CD55: variants seen among roughly 807,000 people sequenced by gnomAD.
CD55 encodes complement decay-accelerating factor.
Under a neutral mutation model 45.8 loss-of-function variants are expected in CD55, and 41 were observed. The ratio of observed to expected loss-of-function variants is 0.90; its 90% CI spans 0.70 to 1.16. The LOEUF (loss-of-function observed/expected upper bound fraction) is 1.16, where lower values mean the gene tolerates loss of function less well. Among genes scored for constraint, CD55 ranks in the 50% most tolerant of loss-of-function variants. The probability of loss-of-function intolerance (pLI) is 0.00; values close to 1 mark genes in which losing one functional copy is unlikely to be tolerated. For synonymous variants in CD55, 181 were observed against 181.1 expected, an observed-to-expected ratio of 1.00 and a Z score of 0.01; for missense variants, 416 against 469.8, an observed-to-expected ratio of 0.89 and a Z score of 1.06.
At chr1:207,347,419 C>T (rs964316958) in intron 9 of CD55, 4 of 350,110 alleles carry the variant, frequency 1.1e-5, no homozygotes, top group Admixed American at 3.8e-5. Context: ...GCCACCACAC[C>T]CGGCTAATTT....
At chr1:207,328,672 T>C (rs934078309) in intron 5 of CD55, among the ~76,000 whole-genome samples, 1 of 152,238 alleles carries the variant, frequency 6.6e-6, no homozygotes, top group Non-Finnish European at 1.5e-5. Context: ...TAACCTAGAA[T>C]CAATCCCTGC....
chr1:207,333,211 C>T lies in CD55; in HGVS notation c.853+1915C>T, dbSNP rs1002742167. On this transcript the variant is annotated intron_variant, in intron 6 of 9. Transcript: ENST00000367064. The stretch of plus-strand genomic sequence containing the variant: ...TTTATCTAGCATACCACAGGTCTCC[C>T]CTTTAGCACATCTGTGCTCATTTTG... Among the ~76,000 whole-genome samples, 10 of 152,310 alleles carry T rather than the reference C, an allele frequency of 6.6e-5. 1 individual carries two copies. The South Asian group carries it at 2.1e-3, about 32-fold the overall frequency.
chr1:207,357,588 G>A (rs1656127196), intron 9 of CD55, among the ~76,000 whole-genome samples: 1 of 151,174 alleles, frequency 6.6e-6, no homozygotes. Flanking sequence ...GGGCGGGCGG[G>A]GGCAGGGCAG....
chr1:207,321,811 G>C lies in CD55; in HGVS notation c.46G>C (p.Gly16Arg). Residue 16 changes from glycine (G) to arginine (R), a missense_variant, in exon 1 of 10, where the codon GGG becomes CGG. By Grantham distance (125) the Gly-to-Arg change is moderately radical. This residue lies in a region of CD55 where 123 missense variants were observed against 105.1 expected (regional missense o/e 1.17). Coordinates refer to ENST00000367064, the MANE Select transcript of CD55 (RefSeq NM_000574.5). ...CGTGCCCGCGGCGCTGCCCCTCCTC[G>C]GGGAGCTGCCCCGGCTGCTGCTGCT... ...PSVPAALPLL[G>R]ELPRLLLLVL... is the part of the protein sequence containing the mutation. 1 of 1,528,172 alleles carries C rather than the reference G, an allele frequency of 6.5e-7. No homozygotes were observed. Among genetic ancestry groups the C allele is most frequent in the East Asian group, 2.5e-5 (1 of 40,166 alleles). 94.7% of individuals were successfully genotyped at this position (1,528,172 alleles called of 1,614,324 possible).
intron 5 of CD55, among the ~76,000 whole-genome samples, chr1:207,330,858 C>T (rs1247585050): frequency 6.6e-6 from 1 of 152,124 alleles, no homozygotes; most frequent in Non-Finnish European, 1.5e-5. Flanking sequence ...CATACATGTT[C>T]TGAATCTTAT....
chr1:207,339,371 A>G lies in CD55; in HGVS notation c.1061-26A>G, dbSNP rs751025150. On this transcript the variant is annotated intron_variant, in intron 8 of 9. Transcript: ENST00000367064. ...TGACTTTAACAAATTTTTGTTGTTA[A>G]TCCTTTTTTTCCCCTTCGTCTGTAG... is the stretch of plus-strand genomic sequence containing the variant. The G allele has an allele frequency of 3.1e-6, 5 of 1,597,348 alleles. No individual in the cohort carries two copies. The Admixed American group carries it at 8.7e-5, about 28-fold the overall frequency.
rs1366909366 is a variant in CD55 at position 207,337,929 on chromosome 1, G to A, written c.1060+520G>A. ...CGTATTATTACAAGGCTCTATAAAC[G>A]ATAGGTTCTCAGTGGCACCAAGTAA... On this transcript the variant is annotated intron_variant, in intron 8 of 9. Transcript: ENST00000367064. Among the ~76,000 whole-genome samples, 3 of 152,246 alleles carry A rather than the reference G, an allele frequency of 2.0e-5. No individual in the cohort carries two copies. In the East Asian group the frequency reaches 5.8e-4, roughly 29 times the overall value.
chr1:207,335,797 C>T (rs993604397), intron 6 of CD55, among the ~76,000 whole-genome samples: 3 of 152,112 alleles, frequency 2.0e-5, no homozygotes, highest in Non-Finnish European at 4.4e-5. Flanking sequence ...AACAGTCATC[C>T]TGGATGATGT....
chr1:207,353,492 A>T (rs1655964410), intron 9 of CD55, among the ~76,000 whole-genome samples: 1 of 152,142 alleles, frequency 6.6e-6, no homozygotes. Flanking sequence ...TACTTTCAAG[A>T]GTCTTGACTC....
chr1:207,334,372 A>T (rs1039525419), intron 6 of CD55, among the ~76,000 whole-genome samples: 1 of 152,208 alleles, frequency 6.6e-6, no homozygotes, highest in Non-Finnish European at 1.5e-5. Flanking sequence ...AAACATGCAC[A>T]GAATGAGAAA....
At chr1:207,345,059 C>G (rs776230990) in intron 9 of CD55, among the ~76,000 whole-genome samples, 1 of 152,126 alleles carries the variant, frequency 6.6e-6, no homozygotes, top group Non-Finnish European at 1.5e-5. Context: ...GATCTCTGAG[C>G]CTCCTGTGTC....
At chr1:207,326,339 A>G (rs564684167) in intron 4 of CD55, among the ~76,000 whole-genome samples, 4 of 152,336 alleles carry the variant, frequency 2.6e-5, no homozygotes, top group South Asian at 2.1e-4. Flanking sequence ...CTTGTCTCCT[A>G]TACGAAACAC....
At chr1:207,323,317 G>A (rs1458352337) in intron 2 of CD55, among the ~76,000 whole-genome samples, 1 of 151,512 alleles carries the variant, frequency 6.6e-6, no homozygotes, top group African/African-American at 2.4e-5. Flanking sequence ...AGAGAGAGAT[G>A]TATAAACTGG....
intron 9 of CD55, among the ~76,000 whole-genome samples, chr1:207,356,271 G>A (rs1200894036): frequency 6.6e-6 from 1 of 152,014 alleles, no homozygotes; most frequent in African/African-American, 2.4e-5. Context: ...GTAAAATTTG[G>A]TACTGTATCA....
chr1:207,346,327 G>A (rs375763065), intron 9 of CD55, among the ~76,000 whole-genome samples: 3 of 152,196 alleles, frequency 2.0e-5, no homozygotes, highest in Admixed American at 6.5e-5. Flanking sequence ...CTGAGCATCC[G>A]GGTACCTGAT....
intron 9 of CD55, among the ~76,000 whole-genome samples, chr1:207,343,984 T>G (rs1400524991): frequency 6.6e-6 from 1 of 152,232 alleles, no homozygotes; most frequent in Non-Finnish European, 1.5e-5. Context: ...CAGCTACTCC[T>G]GTTTGTTTTT....
chr1:207,326,647 A>G (rs911076687), intron 4 of CD55, 105 bp from the exon 5 acceptor site: 5 of 815,060 alleles, frequency 6.1e-6, no homozygotes, highest in Non-Finnish European at 1.0e-5. Context: ...TTTTATATTC[A>G]CCTAATTGTG....
chr1:207,354,798 C>T (rs1656016141), intron 9 of CD55, among the ~76,000 whole-genome samples: 1 of 152,110 alleles, frequency 6.6e-6, no homozygotes, highest in Non-Finnish European at 1.5e-5. Flanking sequence ...TTTCATATTT[C>T]TGTGTTTTGC....
intron 9 of CD55, among the ~76,000 whole-genome samples, chr1:207,341,082 T>C (rs1445354529): frequency 7.9e-5 from 12 of 152,174 alleles, no homozygotes; most frequent in Admixed American, 3.9e-4. Flanking sequence ...CTGAGAAATG[T>C]CTGTTCATGT....
Sources: gnomAD v4.1 joint callset for allele counts (sites outside exome capture counted in the v4.1 genomes callset) on GRCh38, gnomAD v4.1.1 for gene constraint, gnomAD v4.1.1 regional missense constraint, MANE v1.5 for transcripts, NCBI Gene and HGNC (gene_info 2026-07-23, HGNC 2026-07-21) for gene names.